NOVA1: variants seen among roughly 807,000 people sequenced by gnomAD.
NOVA1 encodes NOVA alternative splicing regulator 1, also known as RNA-binding protein Nova-1.
Under a neutral mutation model 38.0 loss-of-function variants are expected in NOVA1, and 7 were observed. That is an observed-to-expected ratio of 0.18 (90% confidence interval 0.10 to 0.35). The LOEUF (loss-of-function observed/expected upper bound fraction) is 0.35. Among genes scored for constraint, NOVA1 ranks in the 10% least tolerant of loss-of-function variants. The pLI, the probability that NOVA1 is intolerant of heterozygous loss-of-function variation, is 1.00. For synonymous variants in NOVA1, 270 were observed against 232.5 expected (o/e 1.16, Z -1.47); for missense variants, 460 against 616.0 (o/e 0.75, Z 2.68).
Position 26,597,423 on chromosome 14 carries a change from G to A in NOVA1, c.14C>T (p.Ala5Val). MMAAAPIQQNGTHTG... is the reference protein window; with the variant it reads MMAAVPIQQNGTHTG... ...GTGGGTCCCGTTCTGCTGGATGGGA[G>A]CTGCCGCCATCATGTTTGCAGTTCC... Residue 5 changes from alanine to valine, a missense_variant, in exon 1 of 5, where the codon GCT becomes GTT. Coordinates refer to ENST00000539517, the MANE Select transcript of NOVA1 (RefSeq NM_002515.3). The A allele has an allele frequency of 7.8e-7, 1 of 1,290,304 alleles. No homozygotes were observed. Among genetic ancestry groups the A allele is most frequent in the Non-Finnish European group, 9.9e-7 (1 of 1,011,650 alleles). The allele number at this position is 1,290,304 out of a possible 1,614,324, so 79.9% of individuals were successfully genotyped here.
intron 1 of NOVA1, chr14:26,596,802 C>T (rs549712430): frequency 8.6e-7 from 1 of 1,159,228 alleles, no homozygotes. Flanking sequence ...ATTTTGCATA[C>T]TACTTGTGGC....
rs187687102 is a variant in NOVA1 at position 26,483,847 on chromosome 14, G to A, written c.281-3704C>T. ...GACTTAAAATATGTTATGACTAAAT[G>A]TAAGGCAGAATTTGGTTGGGTCCCA... On this transcript the variant is annotated intron_variant, in intron 2 of 4. Coordinates refer to ENST00000539517, the MANE Select transcript of NOVA1 (RefSeq NM_002515.3). Among the ~76,000 whole-genome samples the A allele has an allele frequency of 1.3e-3, 197 of 152,298 alleles. 1 individual carries two copies. The highest frequency in any genetic ancestry group is 4.5e-3 in the African/African-American group (188 of 41,564).
At chr14:26,449,330 A>C (rs1163883145) in intron 4 of NOVA1, among the ~76,000 whole-genome samples, 1 of 152,150 alleles carries the variant, frequency 6.6e-6, no homozygotes, top group Non-Finnish European at 1.5e-5. Flanking sequence ...ATGATTCTTC[A>C]CCTATTGTAA....
Position 26,597,921 on chromosome 14 carries a change from G to A in NOVA1, c.-485C>T, listed in dbSNP as rs1417120163. On this transcript the variant is annotated 5_prime_UTR_variant, in exon 1 of 5. Transcript: ENST00000539517. ...GAGGTGGATGCCGAGAGAGGAGCGA[G>A]CGGCAGAGGAGGGCAGGAGCCGGGA... Among the ~76,000 whole-genome samples the A allele has an allele frequency of 2.0e-5, 3 of 151,460 alleles. No individual in the cohort carries two copies. The highest frequency in any genetic ancestry group is 4.4e-5 in the Non-Finnish European group (3 of 67,782).
At chr14:26,573,410 A>G (rs747373835) in intron 2 of NOVA1, among the ~76,000 whole-genome samples, 1 of 152,182 alleles carries the variant, frequency 6.6e-6, no homozygotes, top group Non-Finnish European at 1.5e-5. Context: ...AAGTGACCAC[A>G]GGTATTACCA....
At chr14:26,555,284 G>A (rs1429828220) in intron 2 of NOVA1, among the ~76,000 whole-genome samples, 1 of 151,888 alleles carries the variant, frequency 6.6e-6, no homozygotes, top group African/African-American at 2.4e-5. Context: ...TTAAAAATCA[G>A]GCAATTCCTT....
At chr14:26,483,355 A>T (rs1228406969) in intron 2 of NOVA1, among the ~76,000 whole-genome samples, 1 of 152,036 alleles carries the variant, frequency 6.6e-6, no homozygotes, top group African/African-American at 2.4e-5. Flanking sequence ...TTACATCATA[A>T]TTTTTTTCTA....
intron 2 of NOVA1, among the ~76,000 whole-genome samples, chr14:26,486,696 CAAAAAAA>C (rs59078775): frequency 7.8e-4 from 18 of 23,104 alleles, no homozygotes; most frequent in Non-Finnish European, 9.8e-4. Context: ...GTGACAGACT[CAAAAAAA>C]AAAAAAAAAA....
chr14:26,510,046 G>T (rs1378795056), intron 2 of NOVA1, among the ~76,000 whole-genome samples: 1 of 152,084 alleles, frequency 6.6e-6, no homozygotes, highest in Non-Finnish European at 1.5e-5. Flanking sequence ...TAGATCTTGA[G>T]AAAACATGTA....
At chr14:26,506,052 T>G (rs1033515327) in intron 2 of NOVA1, among the ~76,000 whole-genome samples, 1 of 152,248 alleles carries the variant, frequency 6.6e-6, no homozygotes, top group Non-Finnish European at 1.5e-5. Context: ...TCTAAAACAC[T>G]AGTATTACCA....
chr14:26,485,228 T>TC (rs201813364), intron 2 of NOVA1, among the ~76,000 whole-genome samples: 2,130 of 151,982 alleles, frequency 0.014, 42 homozygotes, highest in African/African-American at 0.047. Flanking sequence ...ACTTCCTGAG[T>TC]CTAAAATTTC....
At chr14:26,543,497 CA>C (rs1890598281) in intron 2 of NOVA1, among the ~76,000 whole-genome samples, 1 of 151,678 alleles carries the variant, frequency 6.6e-6, no homozygotes, top group South Asian at 2.1e-4. Context: ...ACACATGAAA[CA>C]AAGTATTAAT....
intron 2 of NOVA1, among the ~76,000 whole-genome samples, chr14:26,539,049 C>T (rs1037295194): frequency 6.6e-6 from 1 of 152,032 alleles, no homozygotes; most frequent in South Asian, 2.1e-4. Context: ...TAAAATATAC[C>T]CCCAAGATAT....
chr14:26,587,752 A>G (rs1224831332), intron 2 of NOVA1, among the ~76,000 whole-genome samples: 1 of 151,278 alleles, frequency 6.6e-6, no homozygotes, highest in African/African-American at 2.4e-5. Flanking sequence ...CTTCTAAAAT[A>G]TTTAGCAACA....
intron 4 of NOVA1, among the ~76,000 whole-genome samples, chr14:26,462,457 C>T (rs980774109): frequency 6.6e-6 from 1 of 150,778 alleles, no homozygotes; most frequent in Non-Finnish European, 1.5e-5. Context: ...TTTCAAGAGG[C>T]GTCATGAAAT....
intron 4 of NOVA1, among the ~76,000 whole-genome samples, chr14:26,463,759 CTTACAG>C (rs1883894221): frequency 6.6e-6 from 1 of 152,106 alleles, no homozygotes; most frequent in Non-Finnish European, 1.5e-5. Flanking sequence ...TTCAAATAGT[CTTACAG>C]TTTCAATCTT....
rs1033848945 is a variant in NOVA1 at position 26,597,945 on chromosome 14, G to A, written c.-509C>T. 1.3e-5 allele frequency among the ~76,000 whole-genome samples: 2 copies of A among 151,746 alleles called. No homozygotes were observed. Among genetic ancestry groups the A allele is most frequent in the Non-Finnish European group, 2.9e-5 (2 of 67,882 alleles). On this transcript the variant is annotated 5_prime_UTR_variant, in exon 1 of 5. Coordinates refer to ENST00000539517, the MANE Select transcript of NOVA1 (RefSeq NM_002515.3). ...AGCGGCAGAGGAGGGCAGGAGCCGG[G>A]AAGGAGCGCGGCGGTCCCCGCGCCG... is the stretch of plus-strand genomic sequence containing the variant.
chr14:26,455,420 A>G (rs1216596214), intron 4 of NOVA1, among the ~76,000 whole-genome samples: 2 of 152,150 alleles, frequency 1.3e-5, no homozygotes, highest in South Asian at 2.1e-4. Flanking sequence ...CCTTTCTCAA[A>G]TGACTTTAGT....
chr14:26,451,311 TA>T (rs1168819678), intron 4 of NOVA1, among the ~76,000 whole-genome samples: 1 of 152,082 alleles, frequency 6.6e-6, no homozygotes, highest in Non-Finnish European at 1.5e-5. Flanking sequence ...TTTTTAACAA[TA>T]AAAAAACAAT....
Sources: gnomAD v4.1 joint callset for allele counts (sites outside exome capture counted in the v4.1 genomes callset) on GRCh38, gnomAD v4.1.1 for gene constraint, MANE v1.5 for transcripts, NCBI Gene and HGNC (gene_info 2026-07-23, HGNC 2026-07-21) for gene names.